Variants in ATP8B3 observed in about 807,000 individuals in gnomAD.
The protein encoded by ATP8B3 is ATPase phospholipid transporting 8B3, also known as phospholipid-transporting ATPase IK.
A neutral mutation model predicts 140.9 loss-of-function variants in ATP8B3; 141 were observed. That is an observed-to-expected ratio of 1.00 (90% CI 0.87 to 1.15). The LOEUF (loss-of-function observed/expected upper bound fraction) is 1.15, where lower values mean the gene tolerates loss of function less well. ATP8B3 is among the 50% of genes most tolerant of loss of function. The probability of loss-of-function intolerance (pLI) is 0.00; values close to 1 mark genes in which losing one functional copy is unlikely to be tolerated. For missense variants in ATP8B3, 1,874 were observed against 1,740.6 expected (o/e 1.08, Z -1.36); for synonymous variants, 765 against 714.6 (o/e 1.07, Z -1.13).
In ATP8B3 at chr19:1,795,947, G is replaced by C. The variant is rs917942540; in HGVS notation, c.1983C>G (p.Gly661=). The part of the protein sequence containing the change: ...PEGAICLYTK[G]ADTVIFERLH... ...AGCGTTCGAAGATGACCGTGTCGGCGCCCTTGGTGTACAGGCAGATGGCGC... is the reference window on the plus strand; with the variant it reads ...AGCGTTCGAAGATGACCGTGTCGGCCCCCTTGGTGTACAGGCAGATGGCGC... Residue 661 remains glycine (G), a synonymous_variant, in exon 18 of 29, where the codon GGC becomes GGG. Coordinates refer to ENST00000310127, the MANE Select transcript of ATP8B3 (RefSeq NM_138813.4). 6.2e-7 allele frequency: 1 copy of C among 1,613,234 alleles called. No individual in the cohort carries two copies. The highest frequency in any genetic ancestry group is 1.7e-5 in the Admixed American group (1 of 60,010).
chr19:1,800,089 C>T lies in ATP8B3; in HGVS notation c.1410G>A (p.Pro470=), dbSNP rs1041189554. 7 of 1,574,310 alleles carry T rather than the reference C, an allele frequency of 4.4e-6. No individual in the cohort carries two copies. The highest frequency in any genetic ancestry group is 2.3e-5 in the South Asian group (2 of 86,266). The part of the protein sequence containing the change: ...IDWDVQMYYK[P]QDVPAKARST... ...TGCGGGCCTTGGCAGGCACGTCCTG[C>T]GGCTTGTAGTACATCTGCACGTCCC... is the stretch of plus-strand genomic sequence containing the variant. The change falls in exon 14 of 29, where the codon CCG becomes CCA. Residue 470 remains proline (P), a synonymous_variant. Transcript: ENST00000310127. This position sits in a 1 kb window ranked among gnomAD's most constrained non-coding sequence, Gnocchi z 4.4.
rs1309456859 is a variant in ATP8B3, at chr19:1,802,507, T to C, written c.1043A>G (p.Tyr348Cys). The change falls in exon 11 of 29, where the codon TAT (tyrosine) becomes TGT (cysteine). Residue 348 changes from tyrosine to cysteine, a missense_variant. Around this residue, in one of 3 missense-constraint regions of ATP8B3, gnomAD observed 1,032 missense variants for 963.6 expected, o/e 1.07. Coordinates refer to ENST00000310127, the MANE Select transcript of ATP8B3 (RefSeq NM_138813.4). ...GCRIRNTDTC[Y>C]GLVIYAGFDT... The stretch of plus-strand genomic sequence containing the variant: ...CGTACCAGCATAAATGACCAGTCCA[T>C]AGCAGGTGTCTGTGTTGCGAATCCT... The C allele has an allele frequency of 6.9e-7, 1 of 1,458,062 alleles. No homozygotes were observed. The highest frequency in any genetic ancestry group is 1.6e-5 in the African/African-American group (1 of 62,220). 90.3% of individuals were successfully genotyped at this position (1,458,062 alleles called of 1,614,324 possible). A position where few individuals can be genotyped will look rare whatever the true frequency, so the allele number is the denominator to read the frequency against.
Position 1,783,256 on chromosome 19 carries a change from C to T in ATP8B3, c.3675G>A (p.Glu1225=), listed in dbSNP as rs1458772938. ...KELRAKEEKV[E]EGPSEEIFTM... is the part of the protein sequence containing the mutation. Reference sequence around the variant, plus strand: ...TGAAAATCTCCTCGCTGGGGCCCTCCTCCACCTTCTCCTCCTGAAGAGCAA... The same window carrying T: ...TGAAAATCTCCTCGCTGGGGCCCTCTTCCACCTTCTCCTCCTGAAGAGCAA... Residue 1225 remains glutamate (E), a synonymous_variant, in exon 29 of 29, where the codon GAG becomes GAA. Coordinates refer to ENST00000310127, the MANE Select transcript of ATP8B3 (RefSeq NM_138813.4). 3.1e-6 allele frequency: 5 copies of T among 1,608,334 alleles called. No homozygotes were observed. The highest frequency in any genetic ancestry group is 4.2e-6 in the Non-Finnish European group (5 of 1,177,508).
chr19:1,808,192 G>T, intron 5 of ATP8B3, 30 bp downstream of exon 5: 1 of 1,545,588 alleles, frequency 6.5e-7, no homozygotes, highest in South Asian at 1.1e-5. Flanking sequence ...TGGCTAGGGG[G>T]GACTTCCTGG....
chr19:1,789,741 AG>A lies in ATP8B3; in HGVS notation c.2479-15del. 6.5e-7 allele frequency: 1 copy of A among 1,547,316 alleles called. No individual in the cohort carries two copies. Among genetic ancestry groups the A allele is most frequent in the Non-Finnish European group, 8.7e-7 (1 of 1,152,216 alleles). Reference sequence around the variant, plus strand: ...CAGCAGTTTGTCCTGGCCGGCGGGGAGGGGGCTGTGCCAGGCGCCGTGGCCT... The same window carrying A: ...CAGCAGTTTGTCCTGGCCGGCGGGGAGGGGCTGTGCCAGGCGCCGTGGCCT... On this transcript the variant is annotated splice_polypyrimidine_tract_variant and intron_variant, in intron 22 of 28. Coordinates refer to ENST00000310127, the MANE Select transcript of ATP8B3 (RefSeq NM_138813.4).
chr19:1,810,535 A>T, intron 3 of ATP8B3, 87 bp downstream of exon 3: 1 of 1,349,808 alleles, frequency 7.4e-7, no homozygotes, highest in Non-Finnish European at 1.0e-6. Context: ...AAGTGCCGGG[A>T]TTACAGGGGA....
rs1194571224 is a variant in ATP8B3, at chr19:1,791,657, T to G, written c.2302+93A>C. 6.1e-6 allele frequency: 6 copies of G among 985,434 alleles called. No individual in the cohort carries two copies. The Admixed American group carries it at 1.2e-4, about 20-fold the overall frequency. 61.0% of individuals were successfully genotyped at this position (985,434 alleles called of 1,614,324 possible). On this transcript the variant is annotated intron_variant, in intron 20 of 28. Coordinates refer to ENST00000310127, the MANE Select transcript of ATP8B3 (RefSeq NM_138813.4). ...ATCCGCCCGCCTCGGCCTCCCAAAGTGCTGGGATGACAGGTGTGAGCCTTC... is the reference window on the plus strand; with the variant it reads ...ATCCGCCCGCCTCGGCCTCCCAAAGGGCTGGGATGACAGGTGTGAGCCTTC...
intron 22 of ATP8B3, 22 bp from the exon 23 acceptor site, chr19:1,789,749 G>C (rs754731978): frequency 3.9e-6 from 6 of 1,543,470 alleles, no homozygotes; most frequent in Non-Finnish European, 5.2e-6. Context: ...GGAGGGGGCT[G>C]TGCCAGGCGC....
In ATP8B3 at chr19:1,811,796, G is replaced by GA; in HGVS notation, c.-61dup. On this transcript the variant is annotated 5_prime_UTR_variant, in exon 2 of 29. Transcript: ENST00000310127. ...GAGGGGTTTAGGCTGTGGGACGGGGGAGAGGTGGGGGAGACCCCCGTGGGG... is the reference window on the plus strand; with the variant it reads ...GAGGGGTTTAGGCTGTGGGACGGGGGAAGAGGTGGGGGAGACCCCCGTGGGG... The GA allele has an allele frequency of 6.6e-7, 1 of 1,508,402 alleles. No homozygotes were observed. 93.4% of individuals were successfully genotyped at this position (1,508,402 alleles called of 1,614,324 possible). A position where few individuals can be genotyped will look rare whatever the true frequency, so the allele number is the denominator to read the frequency against.
At position 1,802,516 on chromosome 19, in the gene ATP8B3, T is replaced by C. The variant is rs1418114955; in HGVS notation, c.1034A>G (p.Asp345Gly). ...LLRGCRIRNT[D>G]TCYGLVIYAG... ...ATAAATGACCAGTCCATAGCAGGTGTCTGTGTTGCGAATCCTGCAGCCTCG... is the reference window on the plus strand; with the variant it reads ...ATAAATGACCAGTCCATAGCAGGTGCCTGTGTTGCGAATCCTGCAGCCTCG... The change falls in exon 11 of 29, where the codon GAC becomes GGC. Residue 345 changes from aspartate to glycine, a missense_variant. Physicochemically the swap from Asp to Gly is moderately conservative, Grantham distance 94. This residue lies in a region of ATP8B3 where 1,032 missense variants were observed against 963.6 expected (regional missense o/e 1.07). Transcript: ENST00000310127. 2 of 1,576,720 alleles carry C rather than the reference T, an allele frequency of 1.3e-6. No homozygotes were observed. Among genetic ancestry groups the C allele is most frequent in the Non-Finnish European group, 1.7e-6 (2 of 1,164,282 alleles).
At chr19:1,787,600 G>A (rs1038013246) in intron 24 of ATP8B3, among the ~76,000 whole-genome samples, 2 of 151,888 alleles carry the variant, frequency 1.3e-5, no homozygotes, top group Non-Finnish European at 2.9e-5. Context: ...GTGGTAGCAG[G>A]CGCCTGTAAT....
rs1366445719 is a variant in ATP8B3, at chr19:1,794,602, G to A, written c.2055+1273C>T. Among the ~76,000 whole-genome samples, 1 of 152,110 alleles carries A rather than the reference G, an allele frequency of 6.6e-6. No homozygotes were observed. Among genetic ancestry groups the A allele is most frequent in the African/African-American group, 2.4e-5 (1 of 41,406 alleles). ...GACAGCCCCATGTTGGCAGGGGGTG[G>A]GGCAGGAAAGGCCCCATGTGTGGGG... On this transcript the variant is annotated intron_variant, in intron 18 of 28. Transcript: ENST00000310127. This position sits in a 1 kb window ranked among gnomAD's most constrained non-coding sequence, Gnocchi z 4.8.
intron 2 of ATP8B3, 140 bp downstream of exon 2, chr19:1,811,349 C>G: frequency 2.4e-6 from 3 of 1,235,446 alleles, no homozygotes; most frequent in Non-Finnish European, 3.3e-6. Context: ...CACCGGGGGC[C>G]CTGGTTTGGC....
chr19:1,797,113 C>T (rs1029808285), intron 14 of ATP8B3, 108 bp from the exon 15 acceptor site: 8 of 1,536,336 alleles, frequency 5.2e-6, no homozygotes, highest in East Asian at 2.4e-5. Context: ...GGTGCAGCCA[C>T]ACAAGCCAGG....
chr19:1,791,633 T>G, intron 20 of ATP8B3, 117 bp downstream of exon 20: 1 of 741,486 alleles, frequency 1.3e-6, no homozygotes, highest in Admixed American at 2.3e-5. Context: ...CCTCAAGTGA[T>G]CCGCCCGCCT....
In ATP8B3 at chr19:1,802,052, CAT is replaced by C; in HGVS notation, c.1064-10_1064-9del. On this transcript the variant is annotated splice_polypyrimidine_tract_variant and intron_variant, in intron 11 of 28. Coordinates refer to ENST00000310127, the MANE Select transcript of ATP8B3 (RefSeq NM_138813.4). ...TAATTTTTGTGTCAAAACCTACAAA[CAT>C]GTATCCATCTATCCACCCACCCACC... 1 of 1,603,294 alleles carries C rather than the reference CAT, an allele frequency of 6.2e-7. No individual in the cohort carries two copies. Among genetic ancestry groups the C allele is most frequent in the Non-Finnish European group, 8.5e-7 (1 of 1,176,122 alleles).
chr19:1,786,954 G>T, intron 25 of ATP8B3, 149 bp downstream of exon 25: 1 of 652,522 alleles, frequency 1.5e-6, no homozygotes, highest in Non-Finnish European at 2.6e-6. Context: ...AATGGCAGTG[G>T]GCAGGGAGAG....
Position 1,808,293 on chromosome 19 carries a change from G to A in ATP8B3, c.445C>T (p.Leu149=), listed in dbSNP as rs548478256. 3 of 1,613,152 alleles carry A rather than the reference G, an allele frequency of 1.9e-6. No homozygotes were observed. The highest frequency in any genetic ancestry group is 1.3e-5 in the African/African-American group (1 of 75,060). The change falls in exon 5 of 29, where the codon CTG becomes TTG. Residue 149 remains leucine, a synonymous_variant. Transcript: ENST00000310127. ...AACTGCTCGTACAGGTTCAGCGGCA[G>A]GAACGAGTAGAAGTTGTACTTGGCC... ...RTAKYNFYSF[L]PLNLYEQFHR...
Position 1,807,178 on chromosome 19 carries a change from A to C in ATP8B3, c.605T>G (p.Val202Gly), listed in dbSNP as rs1457036639. Reference sequence around the variant, plus strand: ...TCCAACAGCACTCACCATGTCGTCCACCAGGTCCCGGGTGGCACGGATGAA... The same window carrying C: ...TCCAACAGCACTCACCATGTCGTCCCCCAGGTCCCGGGTGGCACGGATGAA... ...LLFIRATRDL[V>G]DDMGRHKSDR... Residue 202 changes from valine (V) to glycine (G), a missense_variant, in exon 6 of 29, where the codon GTG (valine) becomes GGG (glycine). By Grantham distance (109) the Val-to-Gly change is moderately radical (BLOSUM62 -3). This residue lies in a region of ATP8B3 where 1,032 missense variants were observed against 963.6 expected (regional missense o/e 1.07). Transcript: ENST00000310127. The surrounding 1 kb of genome is among the most constrained non-coding windows in gnomAD (Gnocchi z 5.9). 1.2e-6 allele frequency: 2 copies of C among 1,611,170 alleles called. No homozygotes were observed. Among genetic ancestry groups the C allele is most frequent in the African/African-American group, 2.7e-5 (2 of 74,570 alleles).
Sources: allele counts gnomAD v4.1 joint callset (sites outside exome capture counted in the v4.1 genomes callset), GRCh38; gene constraint gnomAD v4.1.1; regional missense constraint gnomAD v4.1.1; non-coding constraint Gnocchi (gnomAD v3.1); transcripts MANE v1.5; gene names NCBI Gene and HGNC (gene_info 2026-07-23, HGNC 2026-07-21).